The following PXDNL variants were observed in gnomAD, a reference collection of about 807,000 sequenced individuals.
The protein encoded by PXDNL is probable oxidoreductase PXDNL.
PXDNL carries 145 observed loss-of-function variants against 150.8 expected under a neutral mutation model. That is an observed-to-expected ratio of 0.96 (90% CI 0.84 to 1.10). The LOEUF (loss-of-function observed/expected upper bound fraction) is 1.10, where lower values mean the gene tolerates loss of function less well. Ranked by LOEUF, PXDNL falls within the 50% of genes least tolerant of loss-of-function variation. The pLI is 0.00. For missense variants in PXDNL, 2,087 were observed against 1,873.9 expected, an observed-to-expected ratio of 1.11 and a Z score of -2.10; for synonymous variants, 757 against 725.7, an observed-to-expected ratio of 1.04 and a Z score of -0.69.
At chr8:51,499,637 T>C (rs1563440020) in intron 5 of PXDNL, 62 bp downstream of exon 5, 1 of 1,275,778 alleles carries the variant, frequency 7.8e-7, no homozygotes, top group Non-Finnish European at 1.1e-6. Context: ...GGCAGTCAGA[T>C]GGGTTGTATA....
chr8:51,727,668 G>A (rs1394419590), intron 1 of PXDNL, among the ~76,000 whole-genome samples: 1 of 152,146 alleles, frequency 6.6e-6, no homozygotes, highest in Non-Finnish European at 1.5e-5. Context: ...AAAAAAGGAA[G>A]AAACACCTAG....
Position 51,374,652 on chromosome 8 carries a change from G to T in PXDNL, c.3637C>A (p.Pro1213Thr). 1 of 1,613,820 alleles carries T rather than the reference G, an allele frequency of 6.2e-7. No individual in the cohort carries two copies. Among genetic ancestry groups the T allele is most frequent in the Non-Finnish European group, 8.5e-7 (1 of 1,179,842 alleles). The change falls in exon 18 of 23, where the codon CCA becomes ACA. Residue 1213 changes from proline to threonine, a missense_variant. Physicochemically the swap from Pro to Thr is conservative, Grantham distance 38. Transcript: ENST00000356297. ...GTAACAAACAGGCACATAAGTGTTG[G>T]TCCCACTCTTGTACCAGGAATCAGG... Reference protein sequence around the residue: ...EDLIPGTRVGPTLMCLFVTQF... With the variant: ...EDLIPGTRVGTTLMCLFVTQF...
chr8:51,644,321 C>T (rs201288730), intron 2 of PXDNL, among the ~76,000 whole-genome samples: 13,225 of 50,498 alleles, frequency 0.26, 2,890 homozygotes, highest in Non-Finnish European at 0.43. Flanking sequence ...CACATTTTTA[C>T]ATATATATAT....
chr8:51,626,437 A>T (rs907676170), intron 2 of PXDNL, among the ~76,000 whole-genome samples: 10 of 152,158 alleles, frequency 6.6e-5, no homozygotes, highest in African/African-American at 2.4e-4. Context: ...TTGTGGTGAG[A>T]TTCCCAGTTT....
intron 2 of PXDNL, among the ~76,000 whole-genome samples, chr8:51,642,044 A>C (rs1342461283): frequency 6.6e-6 from 1 of 152,116 alleles, no homozygotes; most frequent in African/African-American, 2.4e-5. Context: ...GGATGAGTTC[A>C]TGTCCTTTGT....
chr8:51,498,165 G>T (rs1414367443), intron 5 of PXDNL, among the ~76,000 whole-genome samples: 1 of 151,554 alleles, frequency 6.6e-6, no homozygotes, highest in Non-Finnish European at 1.5e-5. Context: ...ATCATTCTCA[G>T]CAAACTATCG....
chr8:51,480,610 TG>T (rs894885865), intron 6 of PXDNL, among the ~76,000 whole-genome samples: 9 of 152,202 alleles, frequency 5.9e-5, no homozygotes. Flanking sequence ...TGATATGGTT[TG>T]GCTGTGTCCC....
At chr8:51,345,171 T>A (rs988564950) in intron 20 of PXDNL, among the ~76,000 whole-genome samples, 11 of 152,218 alleles carry the variant, frequency 7.2e-5, no homozygotes, top group Non-Finnish European at 1.6e-4. Flanking sequence ...GTAACTTAAT[T>A]TCACAAGTAT....
At chr8:51,741,702 A>G (rs2036908282) in intron 1 of PXDNL, among the ~76,000 whole-genome samples, 1 of 152,208 alleles carries the variant, frequency 6.6e-6, no homozygotes, top group African/African-American at 2.4e-5. Flanking sequence ...CTATTCAAAT[A>G]ATTTTGACAT....
Position 51,456,685 on chromosome 8 carries a change from G to A in PXDNL, c.982+813C>T, listed in dbSNP as rs78510669. ...GTTATTATGCCTACTGTGTCTGCAC[G>A]CTAGAAGTGCTATATTATGATGAAC... On this transcript the variant is annotated intron_variant, in intron 9 of 22. Coordinates refer to ENST00000356297, the MANE Select transcript of PXDNL (RefSeq NM_144651.5). Among the ~76,000 whole-genome samples, 957 of 152,196 alleles carry A rather than the reference G, an allele frequency of 6.3e-3. 5 individuals are homozygous for A. Among genetic ancestry groups the A allele is most frequent in the African/African-American group, 0.022 (896 of 41,520 alleles).
chr8:51,448,991 T>G lies in PXDNL; in HGVS notation c.1366+11A>C. 2 of 1,387,820 alleles carry G rather than the reference T, an allele frequency of 1.4e-6. No individual in the cohort carries two copies. Among genetic ancestry groups the G allele is most frequent in the Non-Finnish European group, 2.0e-6 (2 of 997,678 alleles). 86.0% of individuals were successfully genotyped at this position (1,387,820 alleles called of 1,614,324 possible). On this transcript the variant is annotated intron_variant, in intron 11 of 22. Coordinates refer to ENST00000356297, the MANE Select transcript of PXDNL (RefSeq NM_144651.5). Reference sequence around the variant, plus strand: ...ATTTTTCCCCACAATTACCTGCAGATGTTCTAATACCTGTTTTTGTCCAGA... The same window carrying G: ...ATTTTTCCCCACAATTACCTGCAGAGGTTCTAATACCTGTTTTTGTCCAGA...
intron 21 of PXDNL, among the ~76,000 whole-genome samples, chr8:51,338,655 C>T (rs1050003538): frequency 6.6e-6 from 1 of 152,230 alleles, no homozygotes; most frequent in African/African-American, 2.4e-5. Context: ...AAGAAGCAGA[C>T]AGCTTGGCAC....
At chr8:51,480,317 T>C (rs1240985843) in intron 6 of PXDNL, among the ~76,000 whole-genome samples, 1 of 152,146 alleles carries the variant, frequency 6.6e-6, no homozygotes, top group Non-Finnish European at 1.5e-5. Flanking sequence ...ACAGGAAGCA[T>C]AGTGCCAGCA....
intron 1 of PXDNL, among the ~76,000 whole-genome samples, chr8:51,720,830 C>G (rs888927116): frequency 5.3e-5 from 8 of 152,252 alleles, no homozygotes; most frequent in African/African-American, 1.9e-4. Context: ...CCCACTGGCC[C>G]TGTGCAGGCT....
chr8:51,478,923 T>A (rs750748009), intron 6 of PXDNL, among the ~76,000 whole-genome samples: 5 of 152,180 alleles, frequency 3.3e-5, no homozygotes, highest in Middle Eastern at 3.2e-3. Flanking sequence ...TATATCAGTT[T>A]CCCATAAAAT....
chr8:51,760,846 T>A (rs887337326), intron 1 of PXDNL, among the ~76,000 whole-genome samples: 2 of 18,070 alleles, frequency 1.1e-4, no homozygotes, highest in Non-Finnish European at 2.2e-4. Flanking sequence ...TCACTTAAAC[T>A]TTTTTTTTTT....
At chr8:51,533,905 A>C (rs1585556863) in intron 4 of PXDNL, among the ~76,000 whole-genome samples, 1 of 148,630 alleles carries the variant, frequency 6.7e-6, no homozygotes. Context: ...CCCAGCCGCC[A>C]CCCCGTCTGG....
intron 1 of PXDNL, among the ~76,000 whole-genome samples, chr8:51,785,495 G>A (rs566819636): frequency 6.6e-6 from 1 of 152,318 alleles, no homozygotes; most frequent in East Asian, 1.9e-4. Context: ...GTCTACTGGT[G>A]ACATTTTCCC....
Position 51,770,801 on chromosome 8 carries a change from A to C in PXDNL, c.164+38380T>G, listed in dbSNP as rs540668762. Among the ~76,000 whole-genome samples the C allele has an allele frequency of 5.3e-5, 8 of 152,316 alleles. No homozygotes were observed. The East Asian group carries it at 1.5e-3, about 29-fold the overall frequency. On this transcript the variant is annotated intron_variant, in intron 1 of 22. Transcript: ENST00000356297. ...TATTTCAGGATACCTTGGGGCAGTG[A>C]GCCGTGTGGTGCCCGCTCTCAATGA... is the stretch of plus-strand genomic sequence containing the variant.
Sources: gnomAD v4.1 joint callset for allele counts (sites outside exome capture counted in the v4.1 genomes callset) on GRCh38, gnomAD v4.1.1 for gene constraint, MANE v1.5 for transcripts, NCBI Gene and HGNC (gene_info 2026-07-23, HGNC 2026-07-21) for gene names.